The following SSPN variants were observed in gnomAD, a reference collection of about 807,000 sequenced individuals.
The protein encoded by SSPN is K-ras oncogene-associated protein.
SSPN carries 15 observed loss-of-function variants against 19.1 expected under a neutral mutation model. That is an observed-to-expected ratio of 0.78 (90% CI 0.52 to 1.21). SSPN has a LOEUF of 1.21. SSPN is among the 50% of genes most tolerant of loss of function. The pLI is 0.00. For synonymous variants in SSPN, 147 were observed against 140.3 expected (o/e 1.05, Z -0.34); for missense variants, 291 against 314.0 (o/e 0.93, Z 0.55).
chr12:26,151,233 G>A (rs1944523583), intron 1 of SSPN, among the ~76,000 whole-genome samples: 1 of 152,086 alleles, frequency 6.6e-6, no homozygotes, highest in Non-Finnish European at 1.5e-5. Context: ...CATGAGATCA[G>A]CTTTTGTTAA....
intron 1 of SSPN, among the ~76,000 whole-genome samples, chr12:26,207,414 A>G (rs1402806645): frequency 6.6e-6 from 1 of 152,186 alleles, no homozygotes; most frequent in Non-Finnish European, 1.5e-5. Flanking sequence ...TTAAGAAAGG[A>G]AACATTACAT....
At chr12:26,214,065 G>A (rs1565689934) in intron 1 of SSPN, among the ~76,000 whole-genome samples, 1 of 152,106 alleles carries the variant, frequency 6.6e-6, no homozygotes, top group Non-Finnish European at 1.5e-5. Flanking sequence ...GCTTGAATTT[G>A]AGCACAGTTT....
At chr12:26,175,745 GCTTA>G (rs1326233794) in intron 1 of SSPN, among the ~76,000 whole-genome samples, 9 of 151,848 alleles carry the variant, frequency 5.9e-5, no homozygotes, top group African/African-American at 1.9e-4. Flanking sequence ...AATTCACAGA[GCTTA>G]CTTGTTAAAA....
chr12:26,141,081 C>T (rs978876644), intron 1 of SSPN, among the ~76,000 whole-genome samples: 2 of 152,148 alleles, frequency 1.3e-5, no homozygotes, highest in Non-Finnish European at 2.9e-5. Context: ...GAATATATTA[C>T]CTTACATAGC....
intron 1 of SSPN, among the ~76,000 whole-genome samples, chr12:26,223,891 C>A (rs1408518044): frequency 6.6e-6 from 1 of 152,208 alleles, no homozygotes; most frequent in African/African-American, 2.4e-5. Context: ...TATCGCCCAA[C>A]TCAATGTAAT....
intron 1 of SSPN, among the ~76,000 whole-genome samples, chr12:26,140,557 G>T (rs554054432): frequency 6.6e-6 from 1 of 152,294 alleles, no homozygotes; most frequent in Non-Finnish European, 1.5e-5. Flanking sequence ...AAAAGGGGCC[G>T]CGGGGGAAGT....
At chr12:26,176,100 G>A (rs1944682206) in intron 1 of SSPN, among the ~76,000 whole-genome samples, 1 of 152,224 alleles carries the variant, frequency 6.6e-6, no homozygotes, top group Non-Finnish European at 1.5e-5. Context: ...GCCTCCTAAA[G>A]TGCTGGGATT....
Position 26,195,720 on chromosome 12 carries a change from G to A in SSPN, c.48G>A (p.Pro16=). The A allele has an allele frequency of 2.9e-6, 4 of 1,393,892 alleles. No individual in the cohort carries two copies. The highest frequency in any genetic ancestry group is 3.3e-5 in the East Asian group (1 of 30,428). 86.3% of individuals were successfully genotyped at this position (1,393,892 alleles called of 1,614,324 possible). A position where few individuals can be genotyped will look rare whatever the true frequency, so the allele number is the denominator to read the frequency against. The change falls in exon 1 of 3, where the codon CCG becomes CCA. Residue 16 remains proline (P), a synonymous_variant. Transcript: ENST00000242729. Reference sequence around the variant, plus strand: ...GCGGCCAGCAGAGGCAGGGGGGCCCGCCGGCCGCGGACGCCGCTGGGCCCG... The same window carrying A: ...GCGGCCAGCAGAGGCAGGGGGGCCCACCGGCCGCGGACGCCGCTGGGCCCG... ...QPRGQQRQGG[P]PAADAAGPDD... is the part of the protein sequence containing the mutation.
At chr12:26,126,170 G>T (rs1044286399) in intron 1 of SSPN, 1 of 152,210 alleles carries the variant, frequency 6.6e-6, no homozygotes, top group Non-Finnish European at 1.5e-5. Context: ...AGCAAGAGCC[G>T]GGTTACCTTT....
At chr12:26,138,744 G>A (rs1334567974) in intron 1 of SSPN, among the ~76,000 whole-genome samples, 1 of 151,724 alleles carries the variant, frequency 6.6e-6, no homozygotes, top group Admixed American at 6.6e-5. Context: ...TTTTTAACCT[G>A]TTCTTTTTTT....
chr12:26,228,579 A>G (rs1945200278), intron 2 of SSPN, among the ~76,000 whole-genome samples: 2 of 152,060 alleles, frequency 1.3e-5, no homozygotes, highest in African/African-American at 4.8e-5. Context: ...TTAAAATCAT[A>G]GATATACCAT....
chr12:26,129,445 C>T (rs1294008085), intron 1 of SSPN, among the ~76,000 whole-genome samples: 1 of 152,150 alleles, frequency 6.6e-6, no homozygotes, highest in African/African-American at 2.4e-5. Context: ...TTAATGTTGT[C>T]AGGCACACCA....
intron 1 of SSPN, among the ~76,000 whole-genome samples, chr12:26,127,952 G>T (rs1944376397): frequency 6.6e-6 from 1 of 152,196 alleles, no homozygotes; most frequent in East Asian, 1.9e-4. Context: ...TGCATTCAAA[G>T]AGCTTTTTAT....
chr12:26,187,193 A>T (rs766800205), intron 1 of SSPN, among the ~76,000 whole-genome samples: 3 of 152,224 alleles, frequency 2.0e-5, no homozygotes, highest in Non-Finnish European at 4.4e-5. Context: ...CCCAGGGCAG[A>T]GATGCCAAGC....
intron 2 of SSPN, among the ~76,000 whole-genome samples, chr12:26,226,705 G>A (rs1945180140): frequency 6.6e-6 from 1 of 152,158 alleles, no homozygotes; most frequent in Non-Finnish European, 1.5e-5. Flanking sequence ...CTCCCCTGGA[G>A]GTTCGGAAAC....
chr12:26,208,019 G>A (rs78603515), intron 1 of SSPN, among the ~76,000 whole-genome samples: 59 of 31,774 alleles, frequency 1.9e-3, no homozygotes, highest in African/African-American at 6.9e-3. Context: ...TGGTGGTGGT[G>A]GGGGGGGGGG....
At chr12:26,185,214 T>C (rs1362765560) in intron 1 of SSPN, among the ~76,000 whole-genome samples, 1 of 152,230 alleles carries the variant, frequency 6.6e-6, no homozygotes, top group Non-Finnish European at 1.5e-5. Flanking sequence ...CTTTAGTTCA[T>C]TCAATAAACA....
intron 1 of SSPN, among the ~76,000 whole-genome samples, chr12:26,215,331 G>A (rs1175059280): frequency 6.6e-6 from 1 of 152,154 alleles, no homozygotes; most frequent in Non-Finnish European, 1.5e-5. Flanking sequence ...TCTGTAGGCT[G>A]ATTGTAGGGA....
At chr12:26,201,041 ATATAT>A (rs1262865469) in intron 1 of SSPN, among the ~76,000 whole-genome samples, 10 of 56,262 alleles carry the variant, frequency 1.8e-4, no homozygotes, top group African/African-American at 6.7e-4. Context: ...ATATATATAT[ATATAT>A]TATATATATA....
Sources: allele counts gnomAD v4.1 joint callset (sites outside exome capture counted in the v4.1 genomes callset), GRCh38; gene constraint gnomAD v4.1.1; transcripts MANE v1.5; gene names NCBI Gene and HGNC (gene_info 2026-07-23, HGNC 2026-07-21).